Variants in FAM200B observed in about 807,000 individuals in gnomAD.
The protein encoded by FAM200B is protein FAM200B.
Under a neutral mutation model 33.1 loss-of-function variants are expected in FAM200B, and 32 were observed. The observed-to-expected ratio is 0.97, with a 90% confidence interval of 0.73 to 1.30. The LOEUF is 1.30. Ranked by LOEUF, FAM200B falls within the 50% of genes most tolerant of loss-of-function variation. FAM200B has a pLI of 0.00. For missense variants in FAM200B, 741 were observed against 754.0 expected, an observed-to-expected ratio of 0.98 and a Z score of 0.20; for synonymous variants, 240 against 264.8, an observed-to-expected ratio of 0.91 and a Z score of 0.91.
In FAM200B at chr4:15,689,048, T is replaced by C. The variant is rs373812669; in HGVS notation, c.*97T>C. ...ATGGTACTATAATACTGTGATACTT[T>C]TGTTATGTTTTAATTTTTGTTATAT... On this transcript the variant is annotated 3_prime_UTR_variant, in exon 2 of 2. Transcript: ENST00000422728. The C allele has an allele frequency of 3.5e-5, 31 of 895,804 alleles. No homozygotes were observed. The East Asian group carries it at 6.5e-4, about 19-fold the overall frequency. The allele number at this position is 895,804 out of a possible 1,614,324, so 55.5% of individuals were successfully genotyped here.
the FAM200B span, among the ~76,000 whole-genome samples, chr4:15,671,242 T>A: frequency 6.6e-6 from 1 of 151,914 alleles, no homozygotes; most frequent in African/African-American, 2.4e-5. Context: ...TAATTTTAGG[T>A]TGACAGGGTT....
chr4:15,644,408 C>G, the FAM200B span: 7 of 1,077,608 alleles, frequency 6.5e-6, no homozygotes, highest in East Asian at 1.7e-4. Flanking sequence ...ACATCATTTA[C>G]TATAAAACAG....
At chr4:15,650,661 CTTTTTTTTTTTTT>C in the FAM200B span, among the ~76,000 whole-genome samples, 5 of 77,912 alleles carry the variant, frequency 6.4e-5, no homozygotes, top group South Asian at 5.5e-4. Context: ...AACTGACTTT[CTTTTTTTTTTTTT>C]TTTTTTTTTT....
the FAM200B span, among the ~76,000 whole-genome samples, chr4:15,636,971 T>A: frequency 6.6e-6 from 1 of 152,206 alleles, no homozygotes. Flanking sequence ...ATACTCACTT[T>A]GTAGCATTAA....
chr4:15,681,515 C>G (rs1371226978), upstream of FAM200B: 1 of 159,504 alleles, frequency 6.3e-6, no homozygotes, highest in Admixed American at 6.5e-5. Flanking sequence ...TACATCCGGC[C>G]CGCCCACCAG....
the FAM200B span, chr4:15,656,119 C>T: frequency 6.6e-6 from 3 of 453,836 alleles, no homozygotes; most frequent in African/African-American, 4.0e-5. Flanking sequence ...GCCCGACGGG[C>T]CTTGGGGGTG....
Position 15,688,944 on chromosome 4 carries a change from C to T in FAM200B, c.1967C>T (p.Pro656Leu), listed in dbSNP as rs1236087689. ...GAACTTATGAACAGGCAAGCACACC[C>T]ATCATAGTAAATAAAAATCTTACCT... ...WNELMNRQAH[P>L]S is the part of the protein sequence containing the mutation. The change falls in exon 2 of 2, where the codon CCA becomes CTA. Residue 656 changes from proline to leucine, a missense_variant. By Grantham distance (98) the Pro-to-Leu change is moderately conservative (BLOSUM62 -3). Transcript: ENST00000422728. 1 of 1,444,876 alleles carries T rather than the reference C, an allele frequency of 6.9e-7. No homozygotes were observed. Among genetic ancestry groups the T allele is most frequent in the African/African-American group, 1.4e-5 (1 of 69,522 alleles). The allele number at this position is 1,444,876 out of a possible 1,614,324, so 89.5% of individuals were successfully genotyped here.
the FAM200B span, chr4:15,656,298 C>A: frequency 2.2e-6 from 1 of 456,236 alleles, no homozygotes; most frequent in South Asian, 1.5e-5. Flanking sequence ...AGACTCTGTT[C>A]TCTGCTCACG....
rs146116928 is a variant in FAM200B, at chr4:15,689,053, A to G, written c.*102A>G. The G allele has an allele frequency of 6.7e-6, 6 of 898,558 alleles. No individual in the cohort carries two copies. The African/African-American group carries it at 8.7e-5, about 13-fold the overall frequency. The allele number at this position is 898,558 out of a possible 1,614,324, so 55.7% of individuals were successfully genotyped here. On this transcript the variant is annotated 3_prime_UTR_variant, in exon 2 of 2. Coordinates refer to ENST00000422728, the MANE Select transcript of FAM200B (RefSeq NM_001145191.2). ...ACTATAATACTGTGATACTTTTGTT[A>G]TGTTTTAATTTTTGTTATATTTAAT...
At chr4:15,672,762 TTTC>T in the FAM200B span, among the ~76,000 whole-genome samples, 2 of 152,206 alleles carry the variant, frequency 1.3e-5, no homozygotes, top group African/African-American at 4.8e-5. Flanking sequence ...TTAAAATGTT[TTTC>T]TTCAACAGTA....
the FAM200B span, among the ~76,000 whole-genome samples, chr4:15,638,355 T>C: frequency 9.2e-5 from 14 of 152,354 alleles, no homozygotes; most frequent in Non-Finnish European, 1.6e-4. Context: ...AACCATCGTC[T>C]TCAATTAAAT....
the FAM200B span, among the ~76,000 whole-genome samples, chr4:15,669,647 A>T: frequency 6.6e-6 from 1 of 152,174 alleles, no homozygotes; most frequent in African/African-American, 2.4e-5. Flanking sequence ...ACCCACAGAA[A>T]ATGTAACAAA....
the FAM200B span, among the ~76,000 whole-genome samples, chr4:15,668,146 CTT>C: frequency 2.6e-5 from 4 of 150,964 alleles, no homozygotes; most frequent in African/African-American, 7.3e-5. Context: ...TTATTTGTGA[CTT>C]AATGTGTGAA....
At chr4:15,656,395 GA>G in the FAM200B span, 1 of 426,410 alleles carries the variant, frequency 2.3e-6, no homozygotes, top group South Asian at 1.6e-5. Flanking sequence ...ACCTTGGGAG[GA>G]ATTGTTATTT....
At chr4:15,662,349 T>TC in the FAM200B span, among the ~76,000 whole-genome samples, 2 of 151,402 alleles carry the variant, frequency 1.3e-5, no homozygotes, top group East Asian at 3.9e-4. Flanking sequence ...CCAGGGCAAA[T>TC]CATCTATTCT....
Position 15,686,907 on chromosome 4 carries a change from A to ATTT in FAM200B, c.-66_-64dup. 1 of 782,562 alleles carries ATTT rather than the reference A, an allele frequency of 1.3e-6. No homozygotes were observed. The highest frequency in any genetic ancestry group is 1.9e-6 in the Non-Finnish European group (1 of 521,442). 48.5% of individuals were successfully genotyped at this position (782,562 alleles called of 1,614,324 possible). ...TGAAAAGATGTTATTTAGACTGTAT[A>ATTT]TTTTTTTCTTCTTTTTTGAGTTAGT... is the stretch of plus-strand genomic sequence containing the variant. On this transcript the variant is annotated 5_prime_UTR_variant, in exon 2 of 2. Transcript: ENST00000422728.
In FAM200B at chr4:15,688,498, G is replaced by C. The variant is rs1396364625; in HGVS notation, c.1521G>C (p.Glu507Asp). The C allele has an allele frequency of 9.1e-6, 14 of 1,541,022 alleles. No individual in the cohort carries two copies. The highest frequency in any genetic ancestry group is 1.2e-5 in the Non-Finnish European group (14 of 1,138,756). The change falls in exon 2 of 2, where the codon GAG becomes GAC. Residue 507 changes from glutamate (E) to aspartate (D), a missense_variant. Coordinates refer to ENST00000422728, the MANE Select transcript of FAM200B (RefSeq NM_001145191.2). Reference sequence around the variant, plus strand: ...ACATTTTGAAAGAAATAAAATTAGAGATATTGTTGCATCTCACTTCTCTGT... The same window carrying C: ...ACATTTTGAAAGAAATAAAATTAGACATATTGTTGCATCTCACTTCTCTGT... Reference protein sequence around the residue: ...NENILKEIKLEILLHLTSLSQ... With the variant: ...NENILKEIKLDILLHLTSLSQ...
chr4:15,647,160 T>C, the FAM200B span, among the ~76,000 whole-genome samples: 1 of 139,270 alleles, frequency 7.2e-6, no homozygotes, highest in South Asian at 2.2e-4. Context: ...GAGGCAGAGG[T>C]TGCAGTGAGC....
chr4:15,651,296 T>G, the FAM200B span, among the ~76,000 whole-genome samples: 12 of 152,346 alleles, frequency 7.9e-5, no homozygotes, highest in Middle Eastern at 3.4e-3. Flanking sequence ...CCCATGGGCT[T>G]CCGAAGGGGA....
Sources: allele counts gnomAD v4.1 joint callset (sites outside exome capture counted in the v4.1 genomes callset), GRCh38; gene constraint gnomAD v4.1.1; transcripts MANE v1.5; gene names NCBI Gene and HGNC (gene_info 2026-07-23, HGNC 2026-07-21).